Variants in SLC12A7 observed in about 807,000 individuals in gnomAD.
SLC12A7 encodes the protein solute carrier family 12 member 7.
In SLC12A7, 100 loss-of-function variants were observed where a neutral mutation model predicts 120.6. The ratio of observed to expected loss-of-function variants is 0.83; its 90% confidence interval spans 0.71 to 0.98. The LOEUF (loss-of-function observed/expected upper bound fraction) is 0.98, where lower values mean the gene tolerates loss of function less well. Among genes scored for constraint, SLC12A7 ranks in the 50% least tolerant of loss-of-function variants. The pLI, the probability that SLC12A7 is intolerant of heterozygous loss-of-function variation, is 0.00. For synonymous variants in SLC12A7, 760 were observed against 678.0 expected, an observed-to-expected ratio of 1.12 and a Z score of -1.88; for missense variants, 1,373 against 1,548.1, an observed-to-expected ratio of 0.89 and a Z score of 1.90.
At chr5:1,108,042 G>A (rs1423008383) in intron 1 of SLC12A7, among the ~76,000 whole-genome samples, 1 of 53,708 alleles carries the variant, frequency 1.9e-5, no homozygotes, top group African/African-American at 9.3e-5. Context: ...ACACACACAC[G>A]TGAGCATGCC....
rs1422329596 is a variant in SLC12A7, at chr5:1,056,626, T to TA, written c.3026+844dup. On this transcript the variant is annotated intron_variant, in intron 22 of 23. Coordinates refer to ENST00000264930, the MANE Select transcript of SLC12A7 (RefSeq NM_006598.3). ...GCAGGAGAAAAAAACAAGAGTGTGT[T>TA]ACTGACTTCAGGAGAGAGCACCAGG... is the stretch of plus-strand genomic sequence containing the variant. 5 of 981,942 alleles carry TA rather than the reference T, an allele frequency of 5.1e-6. No individual in the cohort carries two copies. The African/African-American group carries it at 8.7e-5, about 17-fold the overall frequency. 60.8% of individuals were successfully genotyped at this position (981,942 alleles called of 1,614,324 possible). A position where few individuals can be genotyped will look rare whatever the true frequency, so the allele number is the denominator to read the frequency against.
At chr5:1,066,320 C>A (rs1737050028) in intron 17 of SLC12A7, among the ~76,000 whole-genome samples, 1 of 152,156 alleles carries the variant, frequency 6.6e-6, no homozygotes, top group Admixed American at 6.5e-5. Flanking sequence ...TGGACCAGAC[C>A]CCACATTTCA....
intron 6 of SLC12A7, 64 bp from the exon 7 acceptor site, chr5:1,085,537 C>T (rs566335152): frequency 1.9e-5 from 29 of 1,503,062 alleles, no homozygotes; most frequent in Middle Eastern, 3.7e-4. Context: ...CCGTCCCTCC[C>T]GCAAGCCCCC....
At chr5:1,129,227 C>T in the SLC12A7 span, among the ~76,000 whole-genome samples, 106 of 152,342 alleles carry the variant, frequency 7.0e-4, 4 homozygotes, top group East Asian at 0.017. Context: ...CCACTGCTGC[C>T]GGCCCCTCTG....
At position 1,111,948 on chromosome 5, in the gene SLC12A7, T is replaced by C; in HGVS notation, c.44A>G (p.Asp15Gly). 7.7e-7 allele frequency: 1 copy of C among 1,296,368 alleles called. No individual in the cohort carries two copies. The highest frequency in any genetic ancestry group is 9.8e-7 in the Non-Finnish European group (1 of 1,022,058). The allele number at this position is 1,296,368 out of a possible 1,614,324, so 80.3% of individuals were successfully genotyped here. ...FTVVPVEAHA[D>G]GGGDETAERT... is the part of the protein sequence containing the mutation. ...CTCGGCAGTCTCGTCCCCGCCGCCG[T>C]CGGCGTGAGCCTCCACGGGCACCAC... The change falls in exon 1 of 24, where the codon GAC becomes GGC. Residue 15 changes from aspartate to glycine, a missense_variant. Transcript: ENST00000264930.
chr5:1,154,429 A>G, the SLC12A7 span, among the ~76,000 whole-genome samples: 5 of 151,980 alleles, frequency 3.3e-5, no homozygotes, highest in African/African-American at 4.8e-5. Flanking sequence ...CTAGACACAG[A>G]CACACACTAC....
chr5:1,061,120 C>T (rs1224976372), intron 20 of SLC12A7, among the ~76,000 whole-genome samples: 3 of 41,158 alleles, frequency 7.3e-5, no homozygotes, highest in African/African-American at 1.3e-4. Flanking sequence ...CCACCGCACC[C>T]GCCGTGCGGG....
upstream of SLC12A7, among the ~76,000 whole-genome samples, chr5:1,113,683 C>T (rs1414732729): frequency 6.6e-6 from 1 of 152,182 alleles, no homozygotes; most frequent in Non-Finnish European, 1.5e-5. Flanking sequence ...AGGAAACCAT[C>T]ACCTCCCCAG....
At chr5:1,091,926 G>C (rs965396477) in intron 3 of SLC12A7, among the ~76,000 whole-genome samples, 1 of 152,206 alleles carries the variant, frequency 6.6e-6, no homozygotes, top group Non-Finnish European at 1.5e-5. Context: ...TACAGACAGG[G>C]GGGGCGGCCA....
In SLC12A7 at chr5:1,088,969, G is replaced by A. The variant is rs200980852; in HGVS notation, c.489+13C>T. The stretch of plus-strand genomic sequence containing the variant: ...CCCGAAGGCACAGCCACACCTGGCC[G>A]GGGGAGACTCACACATGTGCAGCAC... On this transcript the variant is annotated intron_variant, in intron 4 of 23. Transcript: ENST00000264930. 9.4e-5 allele frequency: 151 copies of A among 1,612,374 alleles called. No individual in the cohort carries two copies. The highest frequency in any genetic ancestry group is 2.7e-4 in the Admixed American group (16 of 60,008).
At chr5:1,058,929 G>A (rs890999647) in intron 21 of SLC12A7, among the ~76,000 whole-genome samples, 4 of 152,166 alleles carry the variant, frequency 2.6e-5, no homozygotes, top group Non-Finnish European at 5.9e-5. Context: ...ACCCCCACCT[G>A]GCCCAGGAGG....
At chr5:1,152,540 A>C in the SLC12A7 span, among the ~76,000 whole-genome samples, 3 of 143,816 alleles carry the variant, frequency 2.1e-5, no homozygotes, top group African/African-American at 7.9e-5. Flanking sequence ...CATCCCCTAG[A>C]GAAGGGAGAC....
At chr5:1,092,959 C>G (rs1343188443) in intron 3 of SLC12A7, among the ~76,000 whole-genome samples, 1 of 152,156 alleles carries the variant, frequency 6.6e-6, no homozygotes, top group Non-Finnish European at 1.5e-5. Flanking sequence ...GACGGCAGAA[C>G]CCTCCCGAGG....
chr5:1,075,615 T>C, intron 14 of SLC12A7, 125 bp from the exon 15 acceptor site: 1 of 1,368,812 alleles, frequency 7.3e-7, no homozygotes, highest in Non-Finnish European at 9.8e-7. Flanking sequence ...AAACAGTCAC[T>C]GACGCCTGAC....
At chr5:1,067,808 T>C (rs1737216257) in intron 17 of SLC12A7, among the ~76,000 whole-genome samples, 1 of 149,826 alleles carries the variant, frequency 6.7e-6, no homozygotes, top group African/African-American at 2.5e-5. Flanking sequence ...GGGGAGACCC[T>C]GTTATCACAA....
Position 1,087,137 on chromosome 5 carries a change from C to G in SLC12A7, c.545-104G>C, listed in dbSNP as rs964742157. Reference sequence around the variant, plus strand: ...ACGGGCAAAGGAGGGCCTGTCTCTGCGAAGGCAGCGTGTAGACCCTCGTCC... The same window carrying G: ...ACGGGCAAAGGAGGGCCTGTCTCTGGGAAGGCAGCGTGTAGACCCTCGTCC... On this transcript the variant is annotated intron_variant, in intron 5 of 23. Coordinates refer to ENST00000264930, the MANE Select transcript of SLC12A7 (RefSeq NM_006598.3). 9.2e-6 allele frequency: 13 copies of G among 1,414,262 alleles called. No homozygotes were observed. The East Asian group carries it at 3.0e-4, about 33-fold the overall frequency. The allele number at this position is 1,414,262 out of a possible 1,614,324, so 87.6% of individuals were successfully genotyped here. A position where few individuals can be genotyped will look rare whatever the true frequency, so the allele number is the denominator to read the frequency against.
chr5:1,122,728 G>A, the SLC12A7 span, among the ~76,000 whole-genome samples: 8 of 152,192 alleles, frequency 5.3e-5, no homozygotes, highest in Admixed American at 5.2e-4. Flanking sequence ...CAGCTCCTTG[G>A]TGCTGTAGCC....
the SLC12A7 span, among the ~76,000 whole-genome samples, chr5:1,130,803 A>C: frequency 7.9e-5 from 12 of 152,338 alleles, 1 homozygote; most frequent in African/African-American, 2.9e-4. Context: ...CAGAAGCGGA[A>C]AGAGGAGGAG....
rs758958636 is a variant in SLC12A7, at chr5:1,053,336, C to G, written c.3160+13G>C. 3 of 1,612,670 alleles carry G rather than the reference C, an allele frequency of 1.9e-6. No homozygotes were observed. The African/African-American group carries it at 4.0e-5, about 22-fold the overall frequency. On this transcript the variant is annotated intron_variant, in intron 23 of 23. Coordinates refer to ENST00000264930, the MANE Select transcript of SLC12A7 (RefSeq NM_006598.3). ...GCCCGCACGCTCAGCAGGCACACTGCAAGAAAGGATACAGTTCTCGTCTCC... is the reference window on the plus strand; with the variant it reads ...GCCCGCACGCTCAGCAGGCACACTGGAAGAAAGGATACAGTTCTCGTCTCC...
Sources: gnomAD v4.1 joint callset for allele counts (sites outside exome capture counted in the v4.1 genomes callset) on GRCh38, gnomAD v4.1.1 for gene constraint, MANE v1.5 for transcripts, NCBI Gene and HGNC (gene_info 2026-07-23, HGNC 2026-07-21) for gene names.